The following NAV2 variants were observed in gnomAD, a reference collection of about 807,000 sequenced individuals.
NAV2 encodes the protein helicase, APC down-regulated 1.
Under a neutral mutation model 223.2 loss-of-function variants are expected in NAV2, and 54 were observed. That is an observed-to-expected ratio of 0.24 (90% CI 0.19 to 0.30). NAV2 has a LOEUF of 0.30. Ranked by LOEUF, NAV2 falls within the 10% of genes least tolerant of loss-of-function variation. The pLI, the probability that NAV2 is intolerant of heterozygous loss-of-function variation, is 1.00. For missense variants in NAV2, 2,806 were observed against 3,147.5 expected (o/e 0.89, Z 2.60); for synonymous variants, 1,279 against 1,239.3 (o/e 1.03, Z -0.67).
At chr11:19,783,389 G>A (rs1348508746) in intron 1 of NAV2, among the ~76,000 whole-genome samples, 2 of 152,108 alleles carry the variant, frequency 1.3e-5, no homozygotes, top group African/African-American at 2.4e-5. Context: ...CAGCATGGTT[G>A]GCCTGGTGAT....
intron 1 of NAV2, among the ~76,000 whole-genome samples, chr11:19,579,921 C>G (rs1034941938): frequency 3.3e-5 from 5 of 152,174 alleles, no homozygotes; most frequent in South Asian, 2.1e-4. Flanking sequence ...AGGCCCAGCA[C>G]GTTAAACCAG....
intron 3 of NAV2, among the ~76,000 whole-genome samples, chr11:19,856,444 T>A (rs1437122348): frequency 6.6e-6 from 1 of 152,248 alleles, no homozygotes; most frequent in African/African-American, 2.4e-5. Flanking sequence ...CGTTTCTTAG[T>A]TTAAAATATT....
At position 20,074,760 on chromosome 11, in the gene NAV2, CTT is replaced by C. The variant is rs1554948003; in HGVS notation, c.4984-2777_4984-2776del. Reference sequence around the variant, plus strand: ...ATTGGAGACTAGGATTGCAACTCTGCTTTTTTTTTTTTTTTTGCTTTCCATTT... The same window carrying C: ...ATTGGAGACTAGGATTGCAACTCTGCTTTTTTTTTTTTTTGCTTTCCATTT... On this transcript the variant is annotated intron_variant, in intron 22 of 37. Coordinates refer to ENST00000349880, the MANE Select transcript of NAV2 (RefSeq NM_145117.5). Among the ~76,000 whole-genome samples the C allele has an allele frequency of 1.6e-3, 173 of 110,182 alleles. 3 individuals are homozygous for C. Among genetic ancestry groups the C allele is most frequent in the Middle Eastern group, 4.8e-3 (1 of 210 alleles). 72.3% of individuals were successfully genotyped at this position (110,182 alleles called of 152,430 possible).
chr11:19,660,129 A>G (rs1052226863), intron 1 of NAV2, among the ~76,000 whole-genome samples: 2 of 152,194 alleles, frequency 1.3e-5, no homozygotes, highest in African/African-American at 2.4e-5. Context: ...TTCCCCAGCA[A>G]GAGTTTGGCA....
chr11:19,747,513 T>C (rs548164201), intron 1 of NAV2, among the ~76,000 whole-genome samples: 2 of 152,146 alleles, frequency 1.3e-5, no homozygotes, highest in African/African-American at 4.8e-5. Context: ...ACTATGCCAT[T>C]CTCACACAGG....
At chr11:19,936,455 C>T (rs369447457) in intron 7 of NAV2, among the ~76,000 whole-genome samples, 5 of 152,148 alleles carry the variant, frequency 3.3e-5, no homozygotes, top group African/African-American at 1.2e-4. Flanking sequence ...AAATGTCTGA[C>T]AAAGAGGAGG....
At position 19,364,695 on chromosome 11, in the gene NAV2, AGCAGACAGAT is replaced by A. The variant is rs1235969722; in HGVS notation, c.75+13671_75+13680del. On this transcript the variant is annotated intron_variant, in intron 1 of 37. Transcript: ENST00000360655. ...CTGCAAGAGGGATACAGTGACCTGG[AGCAGACAGAT>A]GCCACGGTAGCAGTACAACAGCCAC... Among the ~76,000 whole-genome samples, 6 of 152,234 alleles carry A rather than the reference AGCAGACAGAT, an allele frequency of 3.9e-5. No individual in the cohort carries two copies. In the East Asian group the frequency reaches 1.2e-3, roughly 29 times the overall value.
intron 1 of NAV2, among the ~76,000 whole-genome samples, chr11:19,802,217 G>C (rs931485289): frequency 4.6e-5 from 7 of 152,058 alleles, no homozygotes; most frequent in African/African-American, 1.7e-4. Flanking sequence ...TCTTATAGGA[G>C]GTCAGAAGGT....
chr11:19,973,564 G>T (rs1007409834), intron 10 of NAV2, among the ~76,000 whole-genome samples: 1 of 152,206 alleles, frequency 6.6e-6, no homozygotes, highest in Admixed American at 6.5e-5. Context: ...CTAGGAGATT[G>T]GTGAAAGCCA....
intron 1 of NAV2, among the ~76,000 whole-genome samples, chr11:19,674,053 G>T (rs1361758028): frequency 6.6e-6 from 1 of 152,200 alleles, no homozygotes; most frequent in Non-Finnish European, 1.5e-5. Flanking sequence ...AAGCAGCGTG[G>T]GCCGTCGTCA....
At chr11:19,598,204 C>G (rs894388808) in intron 1 of NAV2, among the ~76,000 whole-genome samples, 1 of 152,206 alleles carries the variant, frequency 6.6e-6, no homozygotes, top group Non-Finnish European at 1.5e-5. Flanking sequence ...CCAGCCTCAG[C>G]CACACTTCTG....
At chr11:19,357,219 C>G (rs1193593955) in intron 1 of NAV2, among the ~76,000 whole-genome samples, 1 of 152,088 alleles carries the variant, frequency 6.6e-6, no homozygotes, top group African/African-American at 2.4e-5. Context: ...TACCTGATCT[C>G]TTTAGACTTA....
chr11:19,531,538 G>A (rs1175012577), intron 1 of NAV2, among the ~76,000 whole-genome samples: 2 of 152,210 alleles, frequency 1.3e-5, no homozygotes, highest in Non-Finnish European at 2.9e-5. Context: ...TGACAGATTG[G>A]ATGCAGATTA....
intron 11 of NAV2, among the ~76,000 whole-genome samples, chr11:19,987,359 T>C (rs2403551): frequency 0.7 from 106,247 of 152,154 alleles, 38,043 homozygotes; most frequent in Middle Eastern, 0.83. Flanking sequence ...AAAGATAGCC[T>C]GGTCCTTTTT....
intron 1 of NAV2, among the ~76,000 whole-genome samples, chr11:19,732,640 T>G (rs1201752390): frequency 6.6e-6 from 1 of 152,228 alleles, no homozygotes; most frequent in Non-Finnish European, 1.5e-5. Context: ...AGGAGGCCTT[T>G]GGTCACCCAG....
chr11:19,496,852 A>G (rs934179540), intron 1 of NAV2, among the ~76,000 whole-genome samples: 1 of 152,172 alleles, frequency 6.6e-6, no homozygotes, highest in Non-Finnish European at 1.5e-5. Flanking sequence ...ACAAAACAAA[A>G]CAAACAAAAA....
At chr11:19,625,230 C>G (rs2047131092) in intron 1 of NAV2, among the ~76,000 whole-genome samples, 1 of 152,156 alleles carries the variant, frequency 6.6e-6, no homozygotes. Flanking sequence ...TCCTCCAACC[C>G]TTCTTAGTCT....
chr11:19,545,765 GT>G (rs11424102), intron 1 of NAV2, among the ~76,000 whole-genome samples: 89 of 150,682 alleles, frequency 5.9e-4, no homozygotes, highest in African/African-American at 1.9e-3. Context: ...TTTTTTGCAG[GT>G]TTTTTTTTAG....
chr11:19,379,870 G>T (rs115629750), intron 1 of NAV2, among the ~76,000 whole-genome samples: 2 of 152,046 alleles, frequency 1.3e-5, no homozygotes, highest in East Asian at 3.9e-4. Flanking sequence ...TTCTACTCCC[G>T]CCAGCACCAA....
Sources: gnomAD v4.1 joint callset for allele counts (sites outside exome capture counted in the v4.1 genomes callset) on GRCh38, gnomAD v4.1.1 for gene constraint, MANE v1.5 for transcripts, NCBI Gene and HGNC (gene_info 2026-07-23, HGNC 2026-07-21) for gene names.